Variants in EPHA7 observed in about 807,000 individuals in gnomAD.
The protein encoded by EPHA7 is ephrin type-A receptor 7.
EPHA7 carries 25 observed loss-of-function variants against 112.6 expected under a neutral mutation model. The observed-to-expected ratio is 0.22, with a 90% CI of 0.16 to 0.31. The LOEUF (loss-of-function observed/expected upper bound fraction) is 0.31. Ranked by LOEUF, EPHA7 falls within the 10% of genes least tolerant of loss-of-function variation. The pLI is 1.00. For missense variants in EPHA7, 962 were observed against 1,212.6 expected (o/e 0.79, Z 3.07); for synonymous variants, 437 against 406.5 (o/e 1.07, Z -0.90).
chr6:93,288,828 C>T (rs1263480703), intron 5 of EPHA7, among the ~76,000 whole-genome samples: 2 of 152,106 alleles, frequency 1.3e-5, no homozygotes, highest in South Asian at 4.1e-4. Context: ...CTTATGTGTT[C>T]TAGTGGAATT....
chr6:93,373,302 T>A (rs1376966683), intron 3 of EPHA7, among the ~76,000 whole-genome samples: 4 of 151,990 alleles, frequency 2.6e-5, no homozygotes, highest in Admixed American at 1.3e-4. Flanking sequence ...AGAGCAATAA[T>A]TCTTGACCTT....
chr6:93,320,810 C>A lies in EPHA7; in HGVS notation c.1324+35907G>T, dbSNP rs142108898. Among the ~76,000 whole-genome samples the A allele has an allele frequency of 3.7e-3, 558 of 151,962 alleles. 4 individuals are homozygous for A. Among genetic ancestry groups the A allele is most frequent in the African/African-American group, 0.012 (514 of 41,490 alleles). On this transcript the variant is annotated intron_variant, in intron 5 of 16. Coordinates refer to ENST00000369303, the MANE Select transcript of EPHA7 (RefSeq NM_004440.4). ...ATGCTTTAGAGACAAGATGGCCCAA[C>A]ACAATTAGCCAAGTCCTGAGGCAGC...
At chr6:93,376,941 C>A (rs1777090397) in intron 3 of EPHA7, among the ~76,000 whole-genome samples, 1 of 152,156 alleles carries the variant, frequency 6.6e-6, no homozygotes, top group Non-Finnish European at 1.5e-5. Context: ...TGAAAGTAAT[C>A]ACCTTGATGC....
chr6:93,415,052 A>G (rs1779159530), intron 1 of EPHA7, among the ~76,000 whole-genome samples: 1 of 152,030 alleles, frequency 6.6e-6, no homozygotes, highest in Non-Finnish European at 1.5e-5. Flanking sequence ...TATATGTGAT[A>G]CATTAATTCC....
At chr6:93,386,305 G>A (rs1409479916) in intron 3 of EPHA7, among the ~76,000 whole-genome samples, 1 of 152,186 alleles carries the variant, frequency 6.6e-6, no homozygotes, top group Non-Finnish European at 1.5e-5. Context: ...TACAGGCATT[G>A]GGTTAATAAA....
intron 5 of EPHA7, among the ~76,000 whole-genome samples, chr6:93,305,144 T>C (rs1171991654): frequency 6.6e-6 from 1 of 151,992 alleles, no homozygotes; most frequent in African/African-American, 2.4e-5. Context: ...TCCCTATTAC[T>C]TCCTGGTACA....
Position 93,419,324 on chromosome 6 carries a change from C to A in EPHA7, c.18G>T (p.Arg6=), listed in dbSNP as rs780446881. 4.3e-6 allele frequency: 7 copies of A among 1,613,952 alleles called. No homozygotes were observed. In the South Asian group the frequency reaches 7.7e-5, roughly 18 times the overall value. ...AGCATAAAATAATCCATGAAGGGTA[C>A]CGAGTTTGAAAAACCATGGTGCATG... MVFQT[R]YPSWIILCYI... The change falls in exon 1 of 17, where the codon CGG becomes CGT. Residue 6 remains arginine (R), a synonymous_variant. Transcript: ENST00000369303.
At chr6:93,330,619 TC>T (rs1774545255) in intron 5 of EPHA7, among the ~76,000 whole-genome samples, 1 of 151,390 alleles carries the variant, frequency 6.6e-6, no homozygotes, top group African/African-American at 2.4e-5. Context: ...CAGATTTCTT[TC>T]TTTTTTATGG....
intron 9 of EPHA7, among the ~76,000 whole-genome samples, chr6:93,262,711 T>G (rs374755165): frequency 6.6e-6 from 1 of 151,462 alleles, no homozygotes; most frequent in Non-Finnish European, 1.5e-5. Context: ...AAAGCACTTC[T>G]GTTTTGAAAA....
intron 3 of EPHA7, among the ~76,000 whole-genome samples, chr6:93,372,099 A>C (rs891627633): frequency 1.3e-5 from 2 of 152,202 alleles, no homozygotes; most frequent in Non-Finnish European, 1.5e-5. Flanking sequence ...CTAAATAAAC[A>C]GAATATCTAA....
chr6:93,345,942 A>G lies in EPHA7; in HGVS notation c.1324+10775T>C, dbSNP rs190746451. Among the ~76,000 whole-genome samples, 506 of 151,756 alleles carry G rather than the reference A, an allele frequency of 3.3e-3. 8 individuals are homozygous for G. Among genetic ancestry groups the G allele is most frequent in the Non-Finnish European group, 7.4e-4 (50 of 67,746 alleles). On this transcript the variant is annotated intron_variant, in intron 5 of 16. Transcript: ENST00000369303. ...TCACCAACGAAGCAAGGGATAAAATAATCAACATTTACTCCCTCTGAACTC... is the reference window on the plus strand; with the variant it reads ...TCACCAACGAAGCAAGGGATAAAATGATCAACATTTACTCCCTCTGAACTC...
At chr6:93,403,866 G>A (rs1778556361) in intron 3 of EPHA7, among the ~76,000 whole-genome samples, 1 of 151,956 alleles carries the variant, frequency 6.6e-6, no homozygotes, top group Non-Finnish European at 1.5e-5. Flanking sequence ...AAAGAAGCTA[G>A]GGAAGCCTCT....
chr6:93,296,025 ATAT>A (rs1322195469), intron 5 of EPHA7, among the ~76,000 whole-genome samples: 1 of 151,864 alleles, frequency 6.6e-6, no homozygotes, highest in East Asian at 1.9e-4. Context: ...TATAATTAAA[ATAT>A]TAATACTTTC....
In EPHA7 at chr6:93,242,653, TA is replaced by T. The variant is rs1331508240; in HGVS notation, c.*772del. 3 of 220,042 alleles carry T rather than the reference TA, an allele frequency of 1.4e-5. No individual in the cohort carries two copies. The highest frequency in any genetic ancestry group is 2.7e-5 in the Non-Finnish European group (3 of 109,530). 13.6% of individuals were successfully genotyped at this position (220,042 alleles called of 1,614,324 possible). On this transcript the variant is annotated 3_prime_UTR_variant, in exon 17 of 17. Transcript: ENST00000369303. Reference sequence around the variant, plus strand: ...TATAAACAATCTGTTAAAAGTGCCTTATAGTATGTATGGATCATTATTGCTT... The same window carrying T: ...TATAAACAATCTGTTAAAAGTGCCTTTAGTATGTATGGATCATTATTGCTT...
At chr6:93,404,767 A>C (rs2127990945) in intron 3 of EPHA7, among the ~76,000 whole-genome samples, 1 of 151,758 alleles carries the variant, frequency 6.6e-6, no homozygotes, top group South Asian at 2.1e-4. Context: ...CCTCCCTTTA[A>C]GGTTAAATTA....
chr6:93,336,647 C>T (rs550077973), intron 5 of EPHA7, among the ~76,000 whole-genome samples: 30 of 152,004 alleles, frequency 2.0e-4, no homozygotes, highest in African/African-American at 7.0e-4. Context: ...GTGATCTGCC[C>T]GCCTTGGCCT....
chr6:93,262,629 CA>C (rs1439927293), intron 9 of EPHA7, among the ~76,000 whole-genome samples: 4 of 151,238 alleles, frequency 2.6e-5, no homozygotes, highest in Non-Finnish European at 5.9e-5. Flanking sequence ...TGTACTACCC[CA>C]CATGCCCTTC....
intron 1 of EPHA7, among the ~76,000 whole-genome samples, chr6:93,416,628 G>A (rs1562173222): frequency 6.6e-6 from 1 of 152,196 alleles, no homozygotes; most frequent in South Asian, 2.1e-4. Flanking sequence ...TCCGCTCTCT[G>A]GTTAAACCCT....
At chr6:93,279,787 T>G (rs1177981251) in intron 5 of EPHA7, among the ~76,000 whole-genome samples, 1 of 152,164 alleles carries the variant, frequency 6.6e-6, no homozygotes, top group Non-Finnish European at 1.5e-5. Flanking sequence ...CTTAGTAAGA[T>G]TTCTTGATGA....
Sources: allele counts gnomAD v4.1 joint callset (sites outside exome capture counted in the v4.1 genomes callset), GRCh38; gene constraint gnomAD v4.1.1; transcripts MANE v1.5; gene names NCBI Gene and HGNC (gene_info 2026-07-23, HGNC 2026-07-21).